The following GALNT15 variants were observed in gnomAD, a reference collection of about 807,000 sequenced individuals.
GALNT15 encodes the protein UDP-GalNAc transferase T15.
GALNT15 carries 67 observed loss-of-function variants against 66.8 expected under a neutral mutation model. The observed-to-expected ratio is 1.00, with a 90% CI of 0.82 to 1.23. GALNT15 has a LOEUF of 1.23. GALNT15 is among the 50% of genes most tolerant of loss of function. The pLI, the probability that GALNT15 is intolerant of heterozygous loss-of-function variation, is 0.00. For missense variants in GALNT15, 827 were observed against 804.3 expected, an observed-to-expected ratio of 1.03 and a Z score of -0.34; for synonymous variants, 313 against 311.5, an observed-to-expected ratio of 1.00 and a Z score of -0.05.
rs2064055359 is a variant in GALNT15, at chr3:16,229,171, T to C, written c.*1671T>C. ...AAGAAAAACTGAGTGGGAAGTGCAG[T>C]GTTTCCAAACAATACCTATCATAAC... On this transcript the variant is annotated 3_prime_UTR_variant, in exon 10 of 10. Transcript: ENST00000339732. 6 of 985,302 alleles carry C rather than the reference T, an allele frequency of 6.1e-6. No homozygotes were observed. Among genetic ancestry groups the C allele is most frequent in the Non-Finnish European group, 7.2e-6 (6 of 829,922 alleles). 61.0% of individuals were successfully genotyped at this position (985,302 alleles called of 1,614,324 possible).
rs377393405 is a variant in GALNT15, at chr3:16,199,206, G to GCA, written c.707-1398_707-1397dup. 2.2e-4 allele frequency among the ~76,000 whole-genome samples: 30 copies of GCA among 139,012 alleles called. 4 individuals are homozygous for GCA. The highest frequency in any genetic ancestry group is 1.1e-3 in the South Asian group (5 of 4,414). 91.2% of individuals were successfully genotyped at this position (139,012 alleles called of 152,430 possible). ...TCTTGGTGTGTGTGTACACAGACAT[G>GCA]CACACACACACACACATGCACTCAC... On this transcript the variant is annotated intron_variant, in intron 2 of 9. Transcript: ENST00000339732.
rs908564196 is a variant in GALNT15 at position 16,227,201 on chromosome 3, T to C, written c.1774-153T>C. ...AAATTTTAGGGCTACCTAATTTATATTTTATGTTGATCAAAATACCACAAT... is the reference window on the plus strand; with the variant it reads ...AAATTTTAGGGCTACCTAATTTATACTTTATGTTGATCAAAATACCACAAT... On this transcript the variant is annotated intron_variant, in intron 9 of 9. Transcript: ENST00000339732. The surrounding 1 kb of genome is among the most constrained non-coding windows in gnomAD (Gnocchi z 4.5). Among the ~76,000 whole-genome samples, 1 of 152,242 alleles carries C rather than the reference T, an allele frequency of 6.6e-6. No homozygotes were observed. The highest frequency in any genetic ancestry group is 1.5e-5 in the Non-Finnish European group (1 of 68,048).
chr3:16,213,373 T>C (rs2124889287), intron 6 of GALNT15, among the ~76,000 whole-genome samples: 1 of 129,632 alleles, frequency 7.7e-6, no homozygotes, highest in African/African-American at 3.0e-5. Flanking sequence ...GAGAATGGCA[T>C]GAAGCTGGGA....
chr3:16,223,756 G>T (rs842275), intron 9 of GALNT15, among the ~76,000 whole-genome samples: 28,656 of 149,784 alleles, frequency 0.19, 2,882 homozygotes, highest in African/African-American at 0.21. Flanking sequence ...GCAGTGGTGC[G>T]ATCTTGGCTA....
intron 6 of GALNT15, among the ~76,000 whole-genome samples, chr3:16,215,838 AGGC>A (rs1315234539): frequency 3.3e-5 from 5 of 150,512 alleles, no homozygotes; most frequent in Admixed American, 2.7e-4. Flanking sequence ...TGAACCCAGA[AGGC>A]GGAGGTTGTA....
Position 16,225,308 on chromosome 3 carries a change from G to T in GALNT15, c.1774-2046G>T, listed in dbSNP as rs915825867. 1.4e-4 allele frequency among the ~76,000 whole-genome samples: 21 copies of T among 152,146 alleles called. No homozygotes were observed. The highest frequency in any genetic ancestry group is 4.3e-4 in the African/African-American group (18 of 41,410). Reference sequence around the variant, plus strand: ...AATTACAATTCAACATGAGATTTAGGGAGGACCAACATCCAAACTATATCA... The same window carrying T: ...AATTACAATTCAACATGAGATTTAGTGAGGACCAACATCCAAACTATATCA... On this transcript the variant is annotated intron_variant, in intron 9 of 9. Coordinates refer to ENST00000339732, the MANE Select transcript of GALNT15 (RefSeq NM_054110.5). This position sits in a 1 kb window ranked among gnomAD's most constrained non-coding sequence, Gnocchi z 4.4.
At position 16,200,685 on chromosome 3, in the gene GALNT15, A is replaced by T. The variant is rs780458853; in HGVS notation, c.773A>T (p.Asn258Ile). The T allele has an allele frequency of 3.1e-6, 5 of 1,609,346 alleles. No individual in the cohort carries two copies. In the South Asian group the frequency reaches 5.5e-5, roughly 18 times the overall value. Residue 258 changes from asparagine (N) to isoleucine (I), a missense_variant, in exon 3 of 10, where the codon AAC becomes ATC. By Grantham distance (149) the Asn-to-Ile change is moderately radical. Coordinates refer to ENST00000339732, the MANE Select transcript of GALNT15 (RefSeq NM_054110.5). The surrounding 1 kb of genome is among the most constrained non-coding windows in gnomAD (Gnocchi z 4.4). ...GAGGGGGTGAAGTTACTCAGGAGCA[A>T]CAAGAGGCTGGGTGCCATCAGGGCC... ...RLEGVKLLRS[N>I]KRLGAIRARM...
chr3:16,183,379 G>A lies in GALNT15; in HGVS notation c.539+7689G>A, dbSNP rs1464987867. 6.6e-6 allele frequency: 1 copy of A among 152,220 alleles called. No individual in the cohort carries two copies. Among genetic ancestry groups the A allele is most frequent in the African/African-American group, 2.4e-5 (1 of 41,446 alleles). The allele number at this position is 152,220 out of a possible 1,614,324, so 9.4% of individuals were successfully genotyped here. A position where few individuals can be genotyped will look rare whatever the true frequency, so the allele number is the denominator to read the frequency against. On this transcript the variant is annotated intron_variant, in intron 1 of 9. Transcript: ENST00000339732. This position sits in a 1 kb window ranked among gnomAD's most constrained non-coding sequence, Gnocchi z 5.2. The stretch of plus-strand genomic sequence containing the variant: ...AGCCTCAGGCCTGGCCTAGAAGTTG[G>A]TATGGTGTTCCCAAGATAAGTGCCA...
chr3:16,175,318 G>A lies in GALNT15; in HGVS notation c.167G>A (p.Arg56Lys). Reference protein sequence around the residue: ...AQASKHSPEARYRLDFGESQD... With the variant: ...AQASKHSPEAKYRLDFGESQD... Reference sequence around the variant, plus strand: ...GCCAGCAAGCACAGCCCTGAAGCCAGGTACCGCCTGGACTTTGGGGAATCC... The same window carrying A: ...GCCAGCAAGCACAGCCCTGAAGCCAAGTACCGCCTGGACTTTGGGGAATCC... Residue 56 changes from arginine (R) to lysine (K), a missense_variant, in exon 1 of 10, where the codon AGG becomes AAG. By Grantham distance (26) the Arg-to-Lys change is conservative. Coordinates refer to ENST00000339732, the MANE Select transcript of GALNT15 (RefSeq NM_054110.5). The surrounding 1 kb of genome is among the most constrained non-coding windows in gnomAD (Gnocchi z 5.6). 1 of 1,614,202 alleles carries A rather than the reference G, an allele frequency of 6.2e-7. No homozygotes were observed. Among genetic ancestry groups the A allele is most frequent in the Non-Finnish European group, 8.5e-7 (1 of 1,180,038 alleles).
chr3:16,192,896 C>T (rs376414600), intron 1 of GALNT15, among the ~76,000 whole-genome samples: 1 of 152,118 alleles, frequency 6.6e-6, no homozygotes, highest in African/African-American at 2.4e-5. Flanking sequence ...TTGCTAAAGT[C>T]CATAGGAATT....
Position 16,211,005 on chromosome 3 carries a change from G to A in GALNT15, c.1080-119G>A, listed in dbSNP as rs546422471. Reference sequence around the variant, plus strand: ...GCAATTAAAAAATTGCATTTTACCTGAGCCTAAAGCCTGTTCTCTCAGCCA... The same window carrying A: ...GCAATTAAAAAATTGCATTTTACCTAAGCCTAAAGCCTGTTCTCTCAGCCA... On this transcript the variant is annotated intron_variant, in intron 4 of 9. Transcript: ENST00000339732. This position sits in a 1 kb window ranked among gnomAD's most constrained non-coding sequence, Gnocchi z 4.3. 1 of 688,126 alleles carries A rather than the reference G, an allele frequency of 1.5e-6. No individual in the cohort carries two copies. The highest frequency in any genetic ancestry group is 2.6e-6 in the Non-Finnish European group (1 of 384,580). The allele number at this position is 688,126 out of a possible 1,614,324, so 42.6% of individuals were successfully genotyped here.
the GALNT15 span, among the ~76,000 whole-genome samples, chr3:16,245,189 A>C: frequency 6.6e-6 from 1 of 152,230 alleles, no homozygotes; most frequent in African/African-American, 2.4e-5. Flanking sequence ...CAACAGAATC[A>C]AGTGGCAACT....
chr3:16,185,187 A>C (rs1364463221), intron 1 of GALNT15, among the ~76,000 whole-genome samples: 1 of 152,224 alleles, frequency 6.6e-6, no homozygotes, highest in African/African-American at 2.4e-5. Flanking sequence ...GTGAAGATTA[A>C]AGAGAAAATC....
At chr3:16,241,928 G>T in the GALNT15 span, among the ~76,000 whole-genome samples, 2 of 152,220 alleles carry the variant, frequency 1.3e-5, no homozygotes, top group Non-Finnish European at 2.9e-5. This position sits in a 1 kb window ranked among gnomAD's most constrained non-coding sequence, Gnocchi z 4.6. Flanking sequence ...ACTTGGTGGT[G>T]TCAGCTCATG....
Position 16,212,769 on chromosome 3 carries a change from G to A in GALNT15, c.1392+6G>A. 3.1e-6 allele frequency: 5 copies of A among 1,610,818 alleles called. No homozygotes were observed. Among genetic ancestry groups the A allele is most frequent in the Non-Finnish European group, 4.2e-6 (5 of 1,178,586 alleles). ...AGGCCTTCTCCTTGAGCAAGGTAAG[G>A]AGAGAGCCAAGTGGGGCTTCTGTGT... On this transcript the variant is annotated splice_donor_region_variant and intron_variant, in intron 6 of 9. Transcript: ENST00000339732.
rs745412201 is a variant in GALNT15, at chr3:16,219,455, G to T, written c.1445G>T (p.Cys482Phe). 8 of 1,614,080 alleles carry T rather than the reference G, an allele frequency of 5.0e-6. No individual in the cohort carries two copies. In the East Asian group the frequency reaches 1.6e-4, roughly 31 times the overall value. ...ERLQLQRRLG[C>F]RTFHWFLANV... is the part of the protein sequence containing the mutation. ...TTGCAGCTGCAAAGGAGACTGGGTT[G>T]TCGGACATTCCACTGGTTTCTGGCT... The change falls in exon 7 of 10, where the codon TGT becomes TTT. Residue 482 changes from cysteine (C) to phenylalanine (F), a missense_variant. Transcript: ENST00000339732. The surrounding 1 kb of genome is among the most constrained non-coding windows in gnomAD (Gnocchi z 4.3).
At chr3:16,222,516 C>T (rs1429110836) in intron 8 of GALNT15, 99 bp from the exon 9 acceptor site, 33 of 1,415,692 alleles carry the variant, frequency 2.3e-5, no homozygotes, top group South Asian at 1.6e-4. Context: ...TGAAGATTGC[C>T]CCTAGACCTC....
rs1010116831 is a variant in GALNT15 at position 16,183,420 on chromosome 3, C to T, written c.539+7730C>T. 4.6e-5 allele frequency among the ~76,000 whole-genome samples: 7 copies of T among 152,218 alleles called. No individual in the cohort carries two copies. Among genetic ancestry groups the T allele is most frequent in the Non-Finnish European group, 5.9e-5 (4 of 68,038 alleles). ...ATAAGTGCCACCAATTACAGGCAAG[C>T]TAGGATTTTCTTGCAATGGAGGAAC... On this transcript the variant is annotated intron_variant, in intron 1 of 9. Coordinates refer to ENST00000339732, the MANE Select transcript of GALNT15 (RefSeq NM_054110.5). This position sits in a 1 kb window ranked among gnomAD's most constrained non-coding sequence, Gnocchi z 5.2.
chr3:16,195,721 C>G lies in GALNT15; in HGVS notation c.540-39C>G, dbSNP rs1335684205. ...GAGGGTGTGGAGTGTTTCTTGTGGC[C>G]TTCTCTTCCCCATGGCTCTCTGGCT... On this transcript the variant is annotated intron_variant, in intron 1 of 9. Transcript: ENST00000339732. The surrounding 1 kb of genome is among the most constrained non-coding windows in gnomAD (Gnocchi z 4.6). 4 of 1,582,270 alleles carry G rather than the reference C, an allele frequency of 2.5e-6. No individual in the cohort carries two copies. The African/African-American group carries it at 5.4e-5, about 21-fold the overall frequency.
Sources: allele counts gnomAD v4.1 joint callset (sites outside exome capture counted in the v4.1 genomes callset), GRCh38; gene constraint gnomAD v4.1.1; non-coding constraint Gnocchi (gnomAD v3.1); transcripts MANE v1.5; gene names NCBI Gene and HGNC (gene_info 2026-07-23, HGNC 2026-07-21).